ALMS1: variants seen among roughly 807,000 people sequenced by gnomAD.
ALMS1 encodes ALMS1 centrosome and basal body associated protein.
ALMS1 carries 271 observed loss-of-function variants against 352.2 expected under a neutral mutation model. That is an observed-to-expected ratio of 0.77 (90% CI 0.70 to 0.85). The LOEUF is 0.85. Ranked by LOEUF, ALMS1 falls within the 40% of genes least tolerant of loss-of-function variation. The pLI is 0.00. For synonymous variants in ALMS1, 1,865 were observed against 1,761.2 expected, an observed-to-expected ratio of 1.06 and a Z score of -1.48; for missense variants, 5,445 against 4,870.7, an observed-to-expected ratio of 1.12 and a Z score of -3.51.
At chr2:73,503,760 T>C (rs1180980519) in intron 10 of ALMS1, among the ~76,000 whole-genome samples, 1 of 152,132 alleles carries the variant, frequency 6.6e-6, no homozygotes, top group Non-Finnish European at 1.5e-5. Context: ...TTTATCACTT[T>C]AAAACTCAAT....
In ALMS1 at chr2:73,453,343, G is replaced by A. The variant is rs765233946; in HGVS notation, c.6816G>A (p.Met2272Ile). Residue 2272 changes from methionine (M) to isoleucine (I), a missense_variant, in exon 8 of 23, where the codon ATG becomes ATA. By Grantham distance (10) the Met-to-Ile change is conservative (BLOSUM62 1). Coordinates refer to ENST00000613296, the MANE Select transcript of ALMS1 (RefSeq NM_001378454.1). The stretch of plus-strand genomic sequence containing the variant: ...CACTTTTGATGGAGGCAGAAAATAT[G>A]GCACTGAAACGATGCAATTTTCCTG... The part of the protein sequence containing the change: ...IRTLLMEAEN[M>I]ALKRCNFPAP... 24 of 1,613,718 alleles carry A rather than the reference G, an allele frequency of 1.5e-5. No homozygotes were observed. The highest frequency in any genetic ancestry group is 1.3e-4 in the East Asian group (6 of 44,888).
chr2:73,424,122 T>A (rs2103713669), intron 4 of ALMS1, among the ~76,000 whole-genome samples: 1 of 152,250 alleles, frequency 6.6e-6, no homozygotes, highest in Non-Finnish European at 1.5e-5. Flanking sequence ...AGTAAAAAAG[T>A]TAACGCAGGT....
Position 73,550,307 on chromosome 2 carries a change from G to C in ALMS1, c.9948G>C (p.Val3316=). 6.2e-7 allele frequency: 1 copy of C among 1,614,108 alleles called. No individual in the cohort carries two copies. ...TTGCTCCAGACTTCCCAGCTCAGGTGCTAGGCACAAGAGATGATGACCTCT... is the reference window on the plus strand; with the variant it reads ...TTGCTCCAGACTTCCCAGCTCAGGTCCTAGGCACAAGAGATGATGACCTCT... ...DAIAPDFPAQ[V]LGTRDDDLSA... is the part of the protein sequence containing the mutation. The change falls in exon 13 of 23, where the codon GTG becomes GTC. Residue 3316 remains valine (V), a synonymous_variant. Transcript: ENST00000613296.
At chr2:73,486,891 A>G (rs917807360) in intron 9 of ALMS1, among the ~76,000 whole-genome samples, 1 of 152,102 alleles carries the variant, frequency 6.6e-6, no homozygotes, top group African/African-American at 2.4e-5. Flanking sequence ...CTCTACAAAA[A>G]TAAAAATAAG....
At chr2:73,486,432 TG>T (rs1672848284) in intron 9 of ALMS1, among the ~76,000 whole-genome samples, 2 of 152,182 alleles carry the variant, frequency 1.3e-5, no homozygotes, top group Non-Finnish European at 2.9e-5. Flanking sequence ...TTTTCTGTGA[TG>T]GTTGGCTGGA....
At chr2:73,390,582 A>G (rs1056881952) in intron 1 of ALMS1, among the ~76,000 whole-genome samples, 3 of 152,180 alleles carry the variant, frequency 2.0e-5, no homozygotes, top group Non-Finnish European at 4.4e-5. Flanking sequence ...TTAAGAGGGA[A>G]GTGAGTGATT....
chr2:73,538,842 C>T (rs899650231), intron 12 of ALMS1, among the ~76,000 whole-genome samples: 5 of 152,194 alleles, frequency 3.3e-5, no homozygotes, highest in Non-Finnish European at 7.3e-5. Flanking sequence ...GGGGGATGGG[C>T]GCCCTCCATT....
rs1317290950 is a variant in ALMS1, at chr2:73,460,981, C to G, written c.7674+5686C>G. On this transcript the variant is annotated intron_variant, in intron 9 of 22. Transcript: ENST00000613296. ...GGAGCCCACTACAGCTCAAGGAGGC[C>G]TGCCTGCCTCTGTAGGCTCCACCTC... 4.6e-5 allele frequency among the ~76,000 whole-genome samples: 7 copies of G among 152,346 alleles called. No individual in the cohort carries two copies. In the East Asian group the frequency reaches 1.4e-3, roughly 29 times the overall value.
In ALMS1 at chr2:73,449,042, G is replaced by A. The variant is rs1356972872; in HGVS notation, c.2515G>A (p.Ala839Thr). Residue 839 changes from alanine to threonine, a missense_variant, in exon 8 of 23, where the codon GCT (alanine) becomes ACT (threonine). Physicochemically the swap from Ala to Thr is moderately conservative, Grantham distance 58. Coordinates refer to ENST00000613296, the MANE Select transcript of ALMS1 (RefSeq NM_001378454.1). ...HLPEEALKVS[A>T]VSGPADGKTG... Reference sequence around the variant, plus strand: ...ACCCGAAGAGGCTCTGAAAGTTTCAGCTGTTTCTGGACCAGCTGACGGAAA... The same window carrying A: ...ACCCGAAGAGGCTCTGAAAGTTTCAACTGTTTCTGGACCAGCTGACGGAAA... 3.7e-6 allele frequency: 6 copies of A among 1,613,946 alleles called. No individual in the cohort carries two copies. In the African/African-American group the frequency reaches 8.0e-5, roughly 22 times the overall value.
At chr2:73,443,477 C>CCA (rs1292380075) in intron 7 of ALMS1, among the ~76,000 whole-genome samples, 1 of 152,106 alleles carries the variant, frequency 6.6e-6, no homozygotes, top group Non-Finnish European at 1.5e-5. Context: ...TCACTGTTCA[C>CCA]CATGACTCTT....
At chr2:73,439,816 G>A (rs1294795688) in intron 7 of ALMS1, among the ~76,000 whole-genome samples, 1 of 152,038 alleles carries the variant, frequency 6.6e-6, no homozygotes, top group African/African-American at 2.4e-5. Flanking sequence ...TGGGATTACA[G>A]GTGTAGTTTG....
chr2:73,538,748 G>A (rs570214140), intron 12 of ALMS1, among the ~76,000 whole-genome samples: 6 of 152,346 alleles, frequency 3.9e-5, no homozygotes, highest in East Asian at 1.9e-4. Context: ...TCCCGCACCT[G>A]GCTCGGAGGA....
rs552083486 is a variant in ALMS1 at position 73,415,012 on chromosome 2, G to A, written c.451-4111G>A. Among the ~76,000 whole-genome samples, 5 of 152,136 alleles carry A rather than the reference G, an allele frequency of 3.3e-5. No individual in the cohort carries two copies. In the South Asian group the frequency reaches 1.0e-3, roughly 32 times the overall value. The stretch of plus-strand genomic sequence containing the variant: ...TTAGTTTTCAACCTCTGCTTGAAAC[G>A]CTGGAATGTTCGCGGTCTCATCCAG... On this transcript the variant is annotated intron_variant, in intron 2 of 22. Coordinates refer to ENST00000613296, the MANE Select transcript of ALMS1 (RefSeq NM_001378454.1).
chr2:73,591,255 A>G (rs1037093038), intron 16 of ALMS1, among the ~76,000 whole-genome samples: 2 of 152,116 alleles, frequency 1.3e-5, no homozygotes, highest in Non-Finnish European at 2.9e-5. Flanking sequence ...TTTACTTTTG[A>G]TACTTTTTGA....
chr2:73,455,333 A>G (rs766513326), intron 9 of ALMS1, 38 bp downstream of exon 9: 8 of 1,610,938 alleles, frequency 5.0e-6, no homozygotes, highest in South Asian at 1.1e-5. Context: ...AGTAAATATG[A>G]AAGAATGGGT....
At chr2:73,403,939 GC>G (rs1670921163) in intron 1 of ALMS1, among the ~76,000 whole-genome samples, 1 of 152,134 alleles carries the variant, frequency 6.6e-6, no homozygotes. Flanking sequence ...TCACTCTGTT[GC>G]CCAGGGTGGA....
intron 4 of ALMS1, among the ~76,000 whole-genome samples, chr2:73,424,061 A>G (rs1214440460): frequency 6.6e-6 from 1 of 152,172 alleles, no homozygotes; most frequent in Non-Finnish European, 1.5e-5. Flanking sequence ...CATAGGTGTG[A>G]GCCACTGTGC....
intron 1 of ALMS1, among the ~76,000 whole-genome samples, chr2:73,405,906 T>C (rs1670964047): frequency 6.6e-6 from 1 of 152,208 alleles, no homozygotes; most frequent in South Asian, 2.1e-4. Context: ...CATTCTGTTG[T>C]GATCAGAAAA....
intron 16 of ALMS1, among the ~76,000 whole-genome samples, chr2:73,586,548 G>A (rs911454527): frequency 6.6e-6 from 1 of 152,154 alleles, no homozygotes; most frequent in African/African-American, 2.4e-5. Context: ...TCAAAGATCA[G>A]TTGGCTGTAA....
Sources: allele counts gnomAD v4.1 joint callset (sites outside exome capture counted in the v4.1 genomes callset), GRCh38; gene constraint gnomAD v4.1.1; transcripts MANE v1.5; gene names NCBI Gene and HGNC (gene_info 2026-07-23, HGNC 2026-07-21).